Variants in ECM2 observed in about 807,000 individuals in gnomAD.
The protein encoded by ECM2 is extracellular matrix protein 2, also known as extracellular matrix protein 2, female organ and adipocyte specific.
Under a neutral mutation model 67.5 loss-of-function variants are expected in ECM2, and 57 were observed. The ratio of observed to expected loss-of-function variants is 0.84; its 90% CI spans 0.68 to 1.05. The LOEUF is 1.05. ECM2 is among the 50% of genes least tolerant of loss of function. The pLI, the probability that ECM2 is intolerant of heterozygous loss-of-function variation, is 0.00. For missense variants in ECM2, 741 were observed against 822.8 expected (o/e 0.90, Z 1.22); for synonymous variants, 258 against 294.5 (o/e 0.88, Z 1.27).
At position 92,516,707 on chromosome 9, in the gene ECM2, G is replaced by A. The variant is rs138799032; in HGVS notation, c.481+980C>T. On this transcript the variant is annotated intron_variant, in intron 3 of 9. Transcript: ENST00000344604. ...TCTGAAAAAATTTCTGAGAATTTGTGACTCTTACTTTGTAAACCTTGTATT... is the reference window on the plus strand; with the variant it reads ...TCTGAAAAAATTTCTGAGAATTTGTAACTCTTACTTTGTAAACCTTGTATT... 17 of 152,244 alleles carry A rather than the reference G, an allele frequency of 1.1e-4. No homozygotes were observed. In the East Asian group the frequency reaches 3.1e-3, roughly 28 times the overall value. 9.4% of individuals were successfully genotyped at this position (152,244 alleles called of 1,614,324 possible).
At chr9:92,509,832 A>C (rs1167935728) in intron 6 of ECM2, 67 bp downstream of exon 6, 1 of 1,473,264 alleles carries the variant, frequency 6.8e-7, no homozygotes, top group Non-Finnish European at 9.0e-7. Flanking sequence ...CAGTAAATAA[A>C]ATTTCTACAG....
chr9:92,545,817 G>A, the ECM2 span, among the ~76,000 whole-genome samples: 1 of 152,214 alleles, frequency 6.6e-6, no homozygotes, highest in Non-Finnish European at 1.5e-5. Context: ...GTTTGTAAAT[G>A]CACCAATCAG....
At chr9:92,552,064 GATATGATAGATCTATCATATATGTGAT>G in the ECM2 span, among the ~76,000 whole-genome samples, 4 of 131,206 alleles carry the variant, frequency 3.0e-5, no homozygotes, top group Non-Finnish European at 6.3e-5. Flanking sequence ...TCATATATGT[GATATGATAGATCTATCATATATGTGAT>G]ATGATAGATC....
the ECM2 span, among the ~76,000 whole-genome samples, chr9:92,557,221 T>A: frequency 2.0e-5 from 3 of 152,238 alleles, no homozygotes; most frequent in African/African-American, 7.2e-5. Flanking sequence ...CTTTGTAGGT[T>A]ACCTGGTGCT....
chr9:92,554,997 G>A, the ECM2 span, among the ~76,000 whole-genome samples: 2 of 146,594 alleles, frequency 1.4e-5, no homozygotes, highest in Non-Finnish European at 3.0e-5. Context: ...ATATCGGTCT[G>A]TATTGTTTGT....
At chr9:92,546,517 G>A in the ECM2 span, among the ~76,000 whole-genome samples, 23,741 of 151,700 alleles carry the variant, frequency 0.16, 1,958 homozygotes, top group Middle Eastern at 0.2. Flanking sequence ...CAGACGCACC[G>A]CCTTAAGAGC....
chr9:92,529,668 C>A (rs775322047), intron 1 of ECM2, among the ~76,000 whole-genome samples: 17 of 152,084 alleles, frequency 1.1e-4, no homozygotes, highest in Non-Finnish European at 1.5e-4. Context: ...CATGGAAGAA[C>A]CTTAAATGCA....
chr9:92,494,005 C>T (rs374607616), downstream of ECM2: 38 of 1,454,718 alleles, frequency 2.6e-5, no homozygotes, highest in South Asian at 2.0e-4. Context: ...CCAGTGTGCT[C>T]GTCGCATTGT....
At chr9:92,519,942 A>T (rs1018028865) in intron 2 of ECM2, among the ~76,000 whole-genome samples, 6 of 151,448 alleles carry the variant, frequency 4.0e-5, no homozygotes, top group African/African-American at 1.5e-4. Context: ...GAATATTCAT[A>T]AAGAACTCTT....
the ECM2 span, among the ~76,000 whole-genome samples, chr9:92,552,174 TGATA>T: frequency 6.5e-5 from 8 of 123,376 alleles, 1 homozygote; most frequent in African/African-American, 2.7e-4. Flanking sequence ...ATATGTGATA[TGATA>T]GATCTATCAT....
the ECM2 span, among the ~76,000 whole-genome samples, chr9:92,547,249 C>CT: frequency 6.6e-6 from 1 of 152,172 alleles, no homozygotes. Flanking sequence ...AAGGGAACAT[C>CT]TTTAGTCTGA....
intron 1 of ECM2, among the ~76,000 whole-genome samples, chr9:92,527,818 G>A (rs1172390310): frequency 1.3e-5 from 2 of 152,078 alleles, no homozygotes; most frequent in Non-Finnish European, 2.9e-5. Context: ...CCTAAGTACA[G>A]ATGTCACTAA....
At chr9:92,516,956 C>CG in intron 3 of ECM2, 1 of 152,354 alleles carries the variant, frequency 6.6e-6, no homozygotes, top group Non-Finnish European at 1.5e-5. Flanking sequence ...CCTTCCCAGC[C>CG]AATTATTTAA....
At chr9:92,508,751 T>C (rs1476481328) in intron 6 of ECM2, among the ~76,000 whole-genome samples, 1 of 152,198 alleles carries the variant, frequency 6.6e-6, no homozygotes, top group African/African-American at 2.4e-5. Flanking sequence ...ATTATTGTTC[T>C]TTTCTCAATA....
chr9:92,525,125 G>T (rs1055165593), intron 1 of ECM2, among the ~76,000 whole-genome samples: 2 of 152,042 alleles, frequency 1.3e-5, no homozygotes, highest in African/African-American at 4.8e-5. Context: ...TAAGACCAGA[G>T]TAAGGAACAT....
At chr9:92,553,505 C>G in the ECM2 span, among the ~76,000 whole-genome samples, 1 of 152,114 alleles carries the variant, frequency 6.6e-6, no homozygotes, top group African/African-American at 2.4e-5. Context: ...GCAGTATGAT[C>G]ATTTCCACAA....
Position 92,522,885 on chromosome 9 carries a change from A to G in ECM2, c.-19T>C, listed in dbSNP as rs1412320389. On this transcript the variant is annotated 5_prime_UTR_variant, in exon 2 of 10. Coordinates refer to ENST00000344604, the MANE Select transcript of ECM2 (RefSeq NM_001393.4). ...TCTTCATGTTTGATTTTTTTCCACC[A>G]GCCAATTTCTAGAATGAAACAATAT... 3.2e-6 allele frequency: 5 copies of G among 1,579,644 alleles called. No homozygotes were observed. Among genetic ancestry groups the G allele is most frequent in the East Asian group, 4.5e-5 (2 of 44,704 alleles).
chr9:92,554,857 C>T, the ECM2 span, among the ~76,000 whole-genome samples: 3 of 151,474 alleles, frequency 2.0e-5, no homozygotes, highest in Admixed American at 6.6e-5. Flanking sequence ...AGGCTGGTCT[C>T]GAACTCCTGA....
At chr9:92,521,064 A>G (rs1219103164) in intron 2 of ECM2, among the ~76,000 whole-genome samples, 2 of 152,338 alleles carry the variant, frequency 1.3e-5, no homozygotes, top group East Asian at 1.9e-4. Context: ...ACTAAATGCT[A>G]TTGAATTGTA....
Sources: allele counts gnomAD v4.1 joint callset (sites outside exome capture counted in the v4.1 genomes callset), GRCh38; gene constraint gnomAD v4.1.1; transcripts MANE v1.5; gene names NCBI Gene and HGNC (gene_info 2026-07-23, HGNC 2026-07-21).